The following GPN1 variants were observed in gnomAD, a reference collection of about 807,000 sequenced individuals.
GPN1 encodes the protein ATP(GTP)-binding protein.
In GPN1, 44 loss-of-function variants were observed where a neutral mutation model predicts 55.9. The ratio of observed to expected loss-of-function variants is 0.79; its 90% confidence interval spans 0.62 to 1.01. The LOEUF (loss-of-function observed/expected upper bound fraction) is 1.01. Ranked by LOEUF, GPN1 falls within the 50% of genes least tolerant of loss-of-function variation. The probability of loss-of-function intolerance (pLI) is 0.00; values close to 1 mark genes in which losing one functional copy is unlikely to be tolerated. For missense variants in GPN1, 466 were observed against 462.8 expected (o/e 1.01, Z -0.06); for synonymous variants, 179 against 162.5 (o/e 1.10, Z -0.77).
intron 9 of GPN1, among the ~76,000 whole-genome samples, chr2:27,639,799 T>C (rs1446130330): frequency 1.3e-5 from 2 of 152,220 alleles, no homozygotes; most frequent in African/African-American, 4.8e-5. Context: ...ACTGGTAGTA[T>C]AGGCATGTGC....
At chr2:27,636,738 G>A (rs1364407259) in intron 7 of GPN1, among the ~76,000 whole-genome samples, 1 of 152,172 alleles carries the variant, frequency 6.6e-6, no homozygotes, top group East Asian at 1.9e-4. Context: ...GCCTCCCAAA[G>A]TGCTGGGAAT....
At chr2:27,639,665 G>A (rs1049053662) in intron 9 of GPN1, among the ~76,000 whole-genome samples, 6 of 151,846 alleles carry the variant, frequency 4.0e-5, no homozygotes, top group African/African-American at 1.2e-4. Flanking sequence ...GACTATAGGC[G>A]TGTGCGGTAT....
chr2:27,631,516 A>C (rs1162712672), intron 3 of GPN1: 28 of 468,582 alleles, frequency 6.0e-5, no homozygotes, highest in Middle Eastern at 1.2e-3. Context: ...ATTTATGAGG[A>C]TCAGAGCCGG....
rs72852178 is a variant in GPN1, at chr2:27,635,622, G to T, written c.524+388G>T. On this transcript the variant is annotated intron_variant, in intron 7 of 13. Coordinates refer to ENST00000610189, the MANE Select transcript of GPN1 (RefSeq NM_007266.4). ...TTTGAGCTTGGGAGTTTGAAACCAG[G>T]CTGGGGAACATAGCAAGACTCTGTC... 6.7e-3 allele frequency among the ~76,000 whole-genome samples: 1,022 copies of T among 151,944 alleles called. 13 individuals carry two copies. The highest frequency in any genetic ancestry group is 0.022 in the African/African-American group (901 of 41,446).
intron 4 of GPN1, among the ~76,000 whole-genome samples, chr2:27,632,405 C>G (rs1673590224): frequency 6.6e-6 from 1 of 152,218 alleles, no homozygotes; most frequent in South Asian, 2.1e-4. Context: ...TCTTCAGCTT[C>G]TCAGATCCTT....
At chr2:27,647,448 C>T (rs1274491803) in intron 12 of GPN1, among the ~76,000 whole-genome samples, 1 of 152,150 alleles carries the variant, frequency 6.6e-6, no homozygotes, top group Non-Finnish European at 1.5e-5. Flanking sequence ...CAGGAGGCTT[C>T]CTTAGCACTC....
At chr2:27,646,200 C>T (rs1265415127) in intron 12 of GPN1, among the ~76,000 whole-genome samples, 3 of 152,076 alleles carry the variant, frequency 2.0e-5, no homozygotes, top group Non-Finnish European at 2.9e-5. Context: ...TGCCACCACG[C>T]CCAGCTAATT....
chr2:27,636,750 C>G (rs965879462), intron 7 of GPN1, among the ~76,000 whole-genome samples: 4 of 152,202 alleles, frequency 2.6e-5, no homozygotes, highest in African/African-American at 9.7e-5. Context: ...GCTGGGAATA[C>G]AGGCATGAGC....
Position 27,641,358 on chromosome 2 carries a change from T to C in GPN1, c.840+79T>C, listed in dbSNP as rs1673942808. The C allele has an allele frequency of 4.0e-6, 4 of 1,006,930 alleles. No individual in the cohort carries two copies. The Admixed American group carries it at 8.3e-5, about 21-fold the overall frequency. 62.4% of individuals were successfully genotyped at this position (1,006,930 alleles called of 1,614,324 possible). A position where few individuals can be genotyped will look rare whatever the true frequency, so the allele number is the denominator to read the frequency against. ...TCAATCTTGATGACATAAGTGCTTT[T>C]GTTTTGGTTATTAATGTATCTTTTA... On this transcript the variant is annotated intron_variant, in intron 11 of 13. Coordinates refer to ENST00000610189, the MANE Select transcript of GPN1 (RefSeq NM_007266.4).
At chr2:27,644,863 A>T (rs1674145799) in intron 12 of GPN1, among the ~76,000 whole-genome samples, 1 of 150,906 alleles carries the variant, frequency 6.6e-6, no homozygotes. Flanking sequence ...GCGATTTGAG[A>T]TGCTACGTGT....
upstream of GPN1, chr2:27,628,793 G>C (rs1488097702): frequency 6.6e-7 from 1 of 1,512,896 alleles, no homozygotes; most frequent in Admixed American, 2.2e-5. Context: ...GGAGACAAAA[G>C]CCCTCCCAGG....
chr2:27,646,478 CCTG>C (rs1172865612), intron 12 of GPN1, among the ~76,000 whole-genome samples: 3 of 152,108 alleles, frequency 2.0e-5, no homozygotes, highest in African/African-American at 7.2e-5. Context: ...CATCTTTTAT[CCTG>C]CTACTTTACT....
At chr2:27,629,348 T>A in intron 1 of GPN1, 179 bp downstream of exon 1, 1 of 1,540,610 alleles carries the variant, frequency 6.5e-7, no homozygotes, top group African/African-American at 1.4e-5. Context: ...GCCAGGTTAA[T>A]TAAGGCTCTC....
chr2:27,630,222 G>A (rs561874105), intron 2 of GPN1, among the ~76,000 whole-genome samples: 2 of 152,226 alleles, frequency 1.3e-5, no homozygotes, highest in African/African-American at 4.8e-5. Flanking sequence ...GGGTGGCAGA[G>A]GTTGCAGTGA....
In GPN1 at chr2:27,629,889, A is replaced by G. The variant is rs1159755957; in HGVS notation, c.142A>G (p.Thr48Ala). The part of the protein sequence containing the change: ...RLTGHLHAQG[T>A]PPYVINLDPA... ...CACAGGACACCTGCATGCCCAAGGC[A>G]CTCCACCGTATGTGATCAACCTGGA... is the stretch of plus-strand genomic sequence containing the variant. The change falls in exon 2 of 14, where the codon ACT (threonine) becomes GCT (alanine). Residue 48 changes from threonine to alanine, a missense_variant. Physicochemically the swap from Thr to Ala is moderately conservative, Grantham distance 58 (BLOSUM62 0). Coordinates refer to ENST00000610189, the MANE Select transcript of GPN1 (RefSeq NM_007266.4). The G allele has an allele frequency of 3.1e-6, 5 of 1,609,838 alleles. No homozygotes were observed. Among genetic ancestry groups the G allele is most frequent in the Non-Finnish European group, 4.3e-6 (5 of 1,176,252 alleles).
chr2:27,642,459 C>G lies in GPN1; in HGVS notation c.871C>G (p.Gln291Glu). The G allele has an allele frequency of 6.2e-7, 1 of 1,613,382 alleles. No individual in the cohort carries two copies. The change falls in exon 12 of 14, where the codon CAA becomes GAA. Residue 291 changes from glutamine to glutamate, a missense_variant. Gln to Glu is a conservative substitution (Grantham distance 29). Transcript: ENST00000610189. ...CGCAGAGAGCCAACAGCAGAGAGAACAACTGGAACGCCTTCGAAAAGATAT... is the reference window on the plus strand; with the variant it reads ...CGCAGAGAGCCAACAGCAGAGAGAAGAACTGGAACGCCTTCGAAAAGATAT... The part of the protein sequence containing the change: ...ANAESQQQRE[Q>E]LERLRKDMGS...
chr2:27,638,864 A>C, intron 8 of GPN1, 21 bp from the exon 9 acceptor site: 1 of 1,584,582 alleles, frequency 6.3e-7, no homozygotes, highest in Non-Finnish European at 8.6e-7. Flanking sequence ...GTTGCTCATA[A>C]TTGACTTCTC....
Position 27,641,275 on chromosome 2 carries a change from C to G in GPN1, c.836C>G (p.Ser279Ter), listed in dbSNP as rs763243663. The G allele has an allele frequency of 2.5e-6, 4 of 1,604,166 alleles. No individual in the cohort carries two copies. The highest frequency in any genetic ancestry group is 3.4e-6 in the Non-Finnish European group (4 of 1,171,458). The change falls in exon 11 of 14, where the codon TCA becomes TGA. Residue 279 changes from serine (S) to a stop codon, truncating the protein, a stop_gained. Coordinates refer to ENST00000610189, the MANE Select transcript of GPN1 (RefSeq NM_007266.4). LOFTEE classifies it high-confidence loss of function. ...YRPEYERLKK[S>*]LANAESQQQR... ...CCTGAATATGAACGTCTGAAAAAAT[C>G]ACTGGTAAGAAGGGAGGCTGTTTGT...
rs1210634605 is a variant in GPN1 at position 27,647,939 on chromosome 2, C to CA, written c.1036dup (p.Arg346LysfsTer8). 3 of 1,591,768 alleles carry CA rather than the reference C, an allele frequency of 1.9e-6. No homozygotes were observed. Among genetic ancestry groups the CA allele is most frequent in the Non-Finnish European group, 2.6e-6 (3 of 1,159,774 alleles). On this transcript the variant is annotated frameshift_variant, in exon 13 of 14. Transcript: ENST00000610189. LOFTEE classifies it high-confidence loss of function. ...ACAGCGATACTGATGACATTGACCACAGAGGTGAGAGGTGGCTGAGGTGGC... is the reference window on the plus strand; with the variant it reads ...ACAGCGATACTGATGACATTGACCACAAGAGGTGAGAGGTGGCTGAGGTGGC...
Sources: allele counts gnomAD v4.1 joint callset (sites outside exome capture counted in the v4.1 genomes callset), GRCh38; gene constraint gnomAD v4.1.1; transcripts MANE v1.5; gene names NCBI Gene and HGNC (gene_info 2026-07-23, HGNC 2026-07-21).